The following TTLL5 variants were observed in gnomAD, a reference collection of about 807,000 sequenced individuals.
TTLL5 encodes tubulin tyrosine ligase like 5.
In TTLL5, 132 loss-of-function variants were observed where a neutral mutation model predicts 168.4. The observed-to-expected ratio is 0.78, with a 90% CI of 0.68 to 0.91. The LOEUF (loss-of-function observed/expected upper bound fraction) is 0.91. Among genes scored for constraint, TTLL5 ranks in the 40% least tolerant of loss-of-function variants. TTLL5 has a pLI of 0.00. For missense variants in TTLL5, 1,545 were observed against 1,581.5 expected (o/e 0.98, Z 0.39); for synonymous variants, 546 against 558.6 (o/e 0.98, Z 0.32).
intron 31 of TTLL5, among the ~76,000 whole-genome samples, chr14:75,950,982 AT>A (rs1299445677): frequency 6.6e-6 from 1 of 151,524 alleles, no homozygotes; most frequent in African/African-American, 2.4e-5. Flanking sequence ...AAAAAAACAA[AT>A]GTGTTTTTTG....
chr14:75,796,064 C>G (rs1892978988), intron 27 of TTLL5, among the ~76,000 whole-genome samples: 1 of 152,108 alleles, frequency 6.6e-6, no homozygotes, highest in African/African-American at 2.4e-5. Context: ...TAAAAGTGTT[C>G]CCTTTTCACC....
At chr14:75,900,069 G>T (rs982425616) in intron 30 of TTLL5, among the ~76,000 whole-genome samples, 1 of 151,978 alleles carries the variant, frequency 6.6e-6, no homozygotes, top group Non-Finnish European at 1.5e-5. Flanking sequence ...AAAGGAAAGA[G>T]CTTATCTTAG....
intron 18 of TTLL5, chr14:75,757,910 A>G (rs1339500702): frequency 1.3e-6 from 2 of 1,574,622 alleles, no homozygotes; most frequent in Non-Finnish European, 1.7e-6. Context: ...TTCCATGTGC[A>G]TAATGTGTGA....
intron 17 of TTLL5, among the ~76,000 whole-genome samples, chr14:75,747,340 TAATA>T (rs1361897651): frequency 1.3e-5 from 2 of 152,186 alleles, no homozygotes; most frequent in Non-Finnish European, 2.9e-5. Flanking sequence ...ATAATATTTG[TAATA>T]AATGTTTTAA....
At chr14:75,733,891 A>T in intron 13 of TTLL5, 98 bp from the exon 14 acceptor site, 1 of 1,134,614 alleles carries the variant, frequency 8.8e-7, no homozygotes, top group Non-Finnish European at 1.3e-6. Flanking sequence ...CTCTTCATTG[A>T]CATTTGGAAA....
intron 3 of TTLL5, among the ~76,000 whole-genome samples, chr14:75,670,886 G>A (rs1228466142): frequency 1.3e-5 from 2 of 152,124 alleles, no homozygotes; most frequent in African/African-American, 4.8e-5. Flanking sequence ...TCTTTCATGA[G>A]CAAAAGTTTT....
intron 7 of TTLL5, among the ~76,000 whole-genome samples, chr14:75,704,745 T>A (rs1886531698): frequency 6.6e-6 from 1 of 152,238 alleles, no homozygotes; most frequent in Non-Finnish European, 1.5e-5. Flanking sequence ...TATCCAAACC[T>A]TTCTTTTCTT....
At chr14:75,945,512 C>G (rs962533824) in intron 31 of TTLL5, among the ~76,000 whole-genome samples, 4 of 151,932 alleles carry the variant, frequency 2.6e-5, no homozygotes, top group African/African-American at 7.2e-5. Context: ...GCCTCAGCCT[C>G]CCAAAGTGCT....
intron 31 of TTLL5, chr14:75,903,944 TA>T: frequency 3.5e-6 from 1 of 288,696 alleles, no homozygotes; most frequent in Non-Finnish European, 5.2e-6. Context: ...ATCCTGGGGA[TA>T]ATTATATGTA....
rs2035060097 is a variant in TTLL5, at chr14:75,954,836, TTCC to T, written c.*393_*395del. On this transcript the variant is annotated 3_prime_UTR_variant, in exon 32 of 32. Coordinates refer to ENST00000298832, the MANE Select transcript of TTLL5 (RefSeq NM_015072.5). ...GGCTCTTTGGCTATTTGCATTTTGC[TTCC>T]TCTTCTTTTCCAGATTACAGTATGA... 5.3e-6 allele frequency: 1 copy of T among 189,618 alleles called. No individual in the cohort carries two copies. Among genetic ancestry groups the T allele is most frequent in the Non-Finnish European group, 1.1e-5 (1 of 92,192 alleles). The allele number at this position is 189,618 out of a possible 1,614,324, so 11.7% of individuals were successfully genotyped here.
intron 31 of TTLL5, among the ~76,000 whole-genome samples, chr14:75,929,259 G>A (rs542181416): frequency 7.9e-5 from 12 of 152,056 alleles, no homozygotes; most frequent in Non-Finnish European, 1.8e-4. Flanking sequence ...GCTACCATTT[G>A]TGTGAATTTG....
chr14:75,843,785 C>G lies in TTLL5; in HGVS notation c.3327-19882C>G, dbSNP rs175898. Among the ~76,000 whole-genome samples, 9 of 151,916 alleles carry G rather than the reference C, an allele frequency of 5.9e-5. No individual in the cohort carries two copies. The South Asian group carries it at 1.9e-3, about 32-fold the overall frequency. ...TGGCATACAACTGAAATGGAAGCAT[C>G]TCCTTTGTTTGAAATGTTTTTAGAA... is the stretch of plus-strand genomic sequence containing the variant. On this transcript the variant is annotated intron_variant, in intron 28 of 31. Transcript: ENST00000298832.
chr14:75,933,319 C>T (rs1282973801), intron 31 of TTLL5, among the ~76,000 whole-genome samples: 6 of 152,114 alleles, frequency 3.9e-5, no homozygotes, highest in South Asian at 2.1e-4. Context: ...TTAGCCAGGC[C>T]GGGTGTGGTT....
At chr14:75,772,037 T>C (rs1460801171) in intron 21 of TTLL5, among the ~76,000 whole-genome samples, 183 bp downstream of exon 21, 3 of 152,210 alleles carry the variant, frequency 2.0e-5, no homozygotes, top group Non-Finnish European at 4.4e-5. Context: ...TTATTTCTTA[T>C]ACTTCAATGT....
chr14:75,683,771 A>G (rs2140122888), intron 5 of TTLL5, 115 bp downstream of exon 5: 2 of 791,840 alleles, frequency 2.5e-6, no homozygotes, highest in Admixed American at 2.9e-5. Flanking sequence ...GAAGAAGAAG[A>G]AGGACTTTTT....
At chr14:75,867,384 T>G (rs554318242) in intron 29 of TTLL5, among the ~76,000 whole-genome samples, 1 of 152,298 alleles carries the variant, frequency 6.6e-6, no homozygotes, top group East Asian at 1.9e-4. Flanking sequence ...TCCCTTTTTG[T>G]TTTAATAATA....
intron 20 of TTLL5, among the ~76,000 whole-genome samples, chr14:75,768,151 T>C (rs1431314274): frequency 6.6e-6 from 1 of 152,064 alleles, no homozygotes; most frequent in African/African-American, 2.4e-5. Context: ...TCAGCAAGGA[T>C]AAAAAAAGAA....
chr14:75,863,286 G>T (rs952982053), intron 28 of TTLL5, among the ~76,000 whole-genome samples: 7 of 152,184 alleles, frequency 4.6e-5, no homozygotes, highest in Admixed American at 4.6e-4. Context: ...AAATGATCAT[G>T]CATCTGTTCC....
At chr14:75,929,482 C>T (rs7147115) in intron 31 of TTLL5, among the ~76,000 whole-genome samples, 112,114 of 140,986 alleles carry the variant, frequency 0.8, 44,668 homozygotes, top group African/African-American at 0.85. Flanking sequence ...GATGGAGTCT[C>T]GCTCTGTCGC....
Sources: gnomAD v4.1 joint callset for allele counts (sites outside exome capture counted in the v4.1 genomes callset) on GRCh38, gnomAD v4.1.1 for gene constraint, MANE v1.5 for transcripts, NCBI Gene and HGNC (gene_info 2026-07-23, HGNC 2026-07-21) for gene names.